PODN: variants seen among roughly 807,000 people sequenced by gnomAD.
PODN encodes the protein podocan proteoglycan.
Under a neutral mutation model 52.7 loss-of-function variants are expected in PODN, and 40 were observed. The ratio of observed to expected loss-of-function variants is 0.76; its 90% confidence interval spans 0.59 to 0.99. PODN has a LOEUF of 0.99. Ranked by LOEUF, PODN falls within the 50% of genes least tolerant of loss-of-function variation. The pLI is 0.00. For synonymous variants in PODN, 396 were observed against 377.9 expected (o/e 1.05, Z -0.56); for missense variants, 720 against 815.1 (o/e 0.88, Z 1.42).
At chr1:53,069,192 C>A (rs748522053) in intron 1 of PODN, among the ~76,000 whole-genome samples, 16 of 152,242 alleles carry the variant, frequency 1.1e-4, no homozygotes, top group Non-Finnish European at 2.1e-4. Context: ...TGCTCCCCCT[C>A]TTCCCATGTT....
At chr1:53,082,827 C>G (rs529281782) in intron 10 of PODN, among the ~76,000 whole-genome samples, 2 of 152,266 alleles carry the variant, frequency 1.3e-5, no homozygotes, top group African/African-American at 2.4e-5. Flanking sequence ...TACCCCATGA[C>G]ACATTTGCAT....
chr1:53,080,905 A>C, intron 9 of PODN, 29 bp downstream of exon 9: 2 of 1,610,072 alleles, frequency 1.2e-6, no homozygotes, highest in Non-Finnish European at 1.7e-6. Context: ...CCCTGTACAC[A>C]CCCCCGTGGG....
intron 5 of PODN, among the ~76,000 whole-genome samples, chr1:53,076,488 A>G (rs1417894944): frequency 6.6e-6 from 1 of 152,100 alleles, no homozygotes; most frequent in African/African-American, 2.4e-5. Flanking sequence ...AAGACGGGCC[A>G]CACAGCAAAA....
At position 53,084,797 on chromosome 1, in the gene PODN, T is replaced by C. The variant is rs111326659; in HGVS notation, c.*312T>C. ...TACCGCTGCCACGCCCTCTGAATCA[T>C]GCAGGGAAGGGTCTGCCCCTGCCCT... On this transcript the variant is annotated 3_prime_UTR_variant, in exon 11 of 11. Coordinates refer to ENST00000312553, the MANE Select transcript of PODN (RefSeq NM_153703.5). 3.8e-3 allele frequency: 588 copies of C among 152,768 alleles called. 5 individuals carry two copies. The highest frequency in any genetic ancestry group is 0.011 in the South Asian group (55 of 4,852). 9.5% of individuals were successfully genotyped at this position (152,768 alleles called of 1,614,324 possible).
intron 10 of PODN, among the ~76,000 whole-genome samples, chr1:53,082,992 AGTG>A (rs1644317415): frequency 6.6e-6 from 1 of 152,222 alleles, no homozygotes; most frequent in South Asian, 2.1e-4. Flanking sequence ...CCTGTCTAGA[AGTG>A]GGGACTTGGC....
At chr1:53,083,827 T>G (rs1480483537) in intron 10 of PODN, among the ~76,000 whole-genome samples, 4 of 151,824 alleles carry the variant, frequency 2.6e-5, no homozygotes, top group Non-Finnish European at 4.4e-5. Flanking sequence ...CAGGAGCGGC[T>G]GTGTGGTCGG....
chr1:53,062,636 G>C (rs1483781632), intron 1 of PODN, among the ~76,000 whole-genome samples: 1 of 152,036 alleles, frequency 6.6e-6, no homozygotes, highest in Non-Finnish European at 1.5e-5. Context: ...GGACGCCGGC[G>C]GGCGACAGGG....
At chr1:53,076,635 A>G (rs1386512517) in intron 5 of PODN, among the ~76,000 whole-genome samples, 1 of 151,870 alleles carries the variant, frequency 6.6e-6, no homozygotes, top group South Asian at 2.1e-4. Context: ...CTGGCATCTC[A>G]TATATATATT....
At chr1:53,080,063 A>C (rs767351970) in intron 8 of PODN, among the ~76,000 whole-genome samples, 1 of 150,490 alleles carries the variant, frequency 6.6e-6, no homozygotes, top group South Asian at 2.1e-4. Context: ...GGGTGCTGCC[A>C]GTTTAGGCAC....
At position 53,062,217 on chromosome 1, in the gene PODN, T is replaced by A; in HGVS notation, c.-147T>A. On this transcript the variant is annotated 5_prime_UTR_variant, in exon 1 of 11. Transcript: ENST00000312553. Reference sequence around the variant, plus strand: ...GTCGCGGAGAGCGCCCAGCTTGACTTGAATGGAAGGAGCCCGAGCCCGCGG... The same window carrying A: ...GTCGCGGAGAGCGCCCAGCTTGACTAGAATGGAAGGAGCCCGAGCCCGCGG... 1.6e-6 allele frequency: 2 copies of A among 1,269,376 alleles called. No homozygotes were observed. Among genetic ancestry groups the A allele is most frequent in the South Asian group, 7.7e-5 (2 of 25,920 alleles). The allele number at this position is 1,269,376 out of a possible 1,614,324, so 78.6% of individuals were successfully genotyped here. A position where few individuals can be genotyped will look rare whatever the true frequency, so the allele number is the denominator to read the frequency against.
rs754291187 is a variant in PODN, at chr1:53,078,710, T to C, written c.1200T>C (p.Phe400=). ...TCACAGGCATTGGCCGCGAAGACTT[T>C]GCCACCACCTACTTCCTGGAGGAGC... The part of the protein sequence containing the change: ...NQITGIGRED[F]ATTYFLEELN... Residue 400 remains phenylalanine, a synonymous_variant, in exon 8 of 11, where the codon TTT becomes TTC. Transcript: ENST00000312553. 1.2e-6 allele frequency: 2 copies of C among 1,613,466 alleles called. No homozygotes were observed. The highest frequency in any genetic ancestry group is 3.3e-5 in the Admixed American group (2 of 60,034).
intron 9 of PODN, among the ~76,000 whole-genome samples, chr1:53,081,665 T>G (rs988943326): frequency 6.6e-6 from 1 of 152,170 alleles, no homozygotes; most frequent in African/African-American, 2.4e-5. Context: ...GGCCTTGGGG[T>G]TAATGCCAGG....
At chr1:53,077,122 C>A in intron 5 of PODN, 68 bp from the exon 6 acceptor site, 1 of 1,571,478 alleles carries the variant, frequency 6.4e-7, no homozygotes, top group Non-Finnish European at 8.6e-7. Context: ...GGTTTAGAGG[C>A]TCACCAGTTG....
At chr1:53,077,426 T>G (rs541194293) in intron 6 of PODN, 80 bp downstream of exon 6, 43 of 1,561,208 alleles carry the variant, frequency 2.8e-5, no homozygotes, top group Middle Eastern at 3.5e-4. Context: ...GGGGAAGAGC[T>G]CAGGCCCACA....
Position 53,071,465 on chromosome 1 carries a change from G to A in PODN, c.313-70G>A, listed in dbSNP as rs550086084. ...CTGGATTCTAGGACTGGAGCTATGGGTAGGGAATGGAGTCCAGGGCACACC... is the reference window on the plus strand; with the variant it reads ...CTGGATTCTAGGACTGGAGCTATGGATAGGGAATGGAGTCCAGGGCACACC... On this transcript the variant is annotated intron_variant, in intron 2 of 10. Coordinates refer to ENST00000312553, the MANE Select transcript of PODN (RefSeq NM_153703.5). 3.9e-6 allele frequency: 5 copies of A among 1,282,392 alleles called. No individual in the cohort carries two copies. In the South Asian group the frequency reaches 5.4e-5, roughly 14 times the overall value. The allele number at this position is 1,282,392 out of a possible 1,614,324, so 79.4% of individuals were successfully genotyped here. A position where few individuals can be genotyped will look rare whatever the true frequency, so the allele number is the denominator to read the frequency against.
chr1:53,074,315 G>A (rs572686704), intron 3 of PODN, among the ~76,000 whole-genome samples: 1 of 152,354 alleles, frequency 6.6e-6, no homozygotes, highest in African/African-American at 2.4e-5. Flanking sequence ...GGCAGGACAG[G>A]GTCAGGCTGG....
intron 8 of PODN, among the ~76,000 whole-genome samples, chr1:53,079,358 G>A (rs748562637): frequency 1.3e-5 from 2 of 152,216 alleles, no homozygotes; most frequent in Non-Finnish European, 2.9e-5. Context: ...TTTGAGAAGG[G>A]CTGTGGAGGT....
chr1:53,080,358 G>T (rs1644277324), intron 8 of PODN, among the ~76,000 whole-genome samples: 1 of 152,232 alleles, frequency 6.6e-6, no homozygotes, highest in African/African-American at 2.4e-5. Flanking sequence ...AGATCTTTGG[G>T]AATGACCAAG....
chr1:53,080,919 C>T (rs770728224), intron 9 of PODN, 43 bp downstream of exon 9: 2 of 1,605,036 alleles, frequency 1.2e-6, no homozygotes, highest in African/African-American at 2.7e-5. Context: ...CCGTGGGGCC[C>T]ACCCTGGCTC....
Sources: allele counts gnomAD v4.1 joint callset (sites outside exome capture counted in the v4.1 genomes callset), GRCh38; gene constraint gnomAD v4.1.1; transcripts MANE v1.5; gene names NCBI Gene and HGNC (gene_info 2026-07-23, HGNC 2026-07-21).